The following SGMS1 variants were observed in gnomAD, a reference collection of about 807,000 sequenced individuals.
SGMS1 encodes the protein phosphatidylcholine:ceramide cholinephosphotransferase 1.
In SGMS1, 13 loss-of-function variants were observed where a neutral mutation model predicts 46.2. That is an observed-to-expected ratio of 0.28 (90% CI 0.18 to 0.45). The LOEUF (loss-of-function observed/expected upper bound fraction) is 0.45. SGMS1 is among the 20% of genes least tolerant of loss of function. The probability of loss-of-function intolerance (pLI) is 1.00; values close to 1 mark genes in which losing one functional copy is unlikely to be tolerated. For missense variants in SGMS1, 324 were observed against 519.9 expected, an observed-to-expected ratio of 0.62 and a Z score of 3.66; for synonymous variants, 203 against 187.8, an observed-to-expected ratio of 1.08 and a Z score of -0.66.
At chr10:50,376,702 G>A (rs1034840927) in intron 6 of SGMS1, among the ~76,000 whole-genome samples, 2 of 152,034 alleles carry the variant, frequency 1.3e-5, no homozygotes, top group Admixed American at 6.6e-5. Context: ...TTGGCCTTGC[G>A]ATAGTTTGCT....
intron 6 of SGMS1, among the ~76,000 whole-genome samples, chr10:50,408,890 A>G (rs1237359052): frequency 2.0e-5 from 3 of 152,048 alleles, no homozygotes; most frequent in Non-Finnish European, 4.4e-5. Flanking sequence ...AAAACAAAAC[A>G]AAAAAAGATT....
At chr10:50,331,567 T>G (rs1427554608) in intron 7 of SGMS1, among the ~76,000 whole-genome samples, 2 of 152,226 alleles carry the variant, frequency 1.3e-5, no homozygotes, top group Non-Finnish European at 2.9e-5. Context: ...ATTTGCTTAT[T>G]ACCACCTCGT....
intron 6 of SGMS1, among the ~76,000 whole-genome samples, chr10:50,406,417 T>C (rs967179164): frequency 2.6e-5 from 4 of 152,204 alleles, no homozygotes; most frequent in East Asian, 1.9e-4. Flanking sequence ...CCTGGGACCA[T>C]GAAGGATGGA....
chr10:50,577,436 T>C lies in SGMS1; in HGVS notation c.-589+12717A>G, dbSNP rs140262708. Reference sequence around the variant, plus strand: ...TATAGAGAAAGGCAGGAGTAGCTAATTAAACAACAACAACAACAAAAGGTC... The same window carrying C: ...TATAGAGAAAGGCAGGAGTAGCTAACTAAACAACAACAACAACAAAAGGTC... On this transcript the variant is annotated intron_variant, in intron 2 of 10. Coordinates refer to ENST00000361781, the MANE Select transcript of SGMS1 (RefSeq NM_147156.4). 1.3e-4 allele frequency among the ~76,000 whole-genome samples: 20 copies of C among 152,250 alleles called. No homozygotes were observed. The East Asian group carries it at 3.7e-3, about 28-fold the overall frequency.
intron 5 of SGMS1, among the ~76,000 whole-genome samples, chr10:50,459,725 T>G (rs1837241075): frequency 6.6e-6 from 1 of 152,152 alleles, no homozygotes; most frequent in African/African-American, 2.4e-5. Flanking sequence ...TTTTTAAAAC[T>G]CTGCTTCAAA....
intron 2 of SGMS1, among the ~76,000 whole-genome samples, chr10:50,528,053 G>A (rs1837920336): frequency 1.3e-5 from 2 of 152,104 alleles, no homozygotes. Flanking sequence ...TAAATAAATT[G>A]TTGCTGCTAT....
chr10:50,355,447 G>C (rs895971532), intron 6 of SGMS1, among the ~76,000 whole-genome samples: 1 of 152,170 alleles, frequency 6.6e-6, no homozygotes, highest in African/African-American at 2.4e-5. Flanking sequence ...ACTGGTTTTC[G>C]TGTTTTTGGT....
intron 2 of SGMS1, among the ~76,000 whole-genome samples, chr10:50,543,072 T>G (rs1838070104): frequency 6.6e-6 from 1 of 152,052 alleles, no homozygotes; most frequent in African/African-American, 2.4e-5. Flanking sequence ...ATCCAGACAG[T>G]ACAGGGAAAT....
rs527872887 is a variant in SGMS1 at position 50,573,353 on chromosome 10, T to C, written c.-589+16800A>G. ...CCTACCAAAAAACTGTTAGAATAAA[T>C]GAATTCAATACAAAAACAATGAGTT... On this transcript the variant is annotated intron_variant, in intron 2 of 10. Transcript: ENST00000361781. 5.9e-5 allele frequency among the ~76,000 whole-genome samples: 9 copies of C among 152,244 alleles called. No individual in the cohort carries two copies. The East Asian group carries it at 1.7e-3, about 29-fold the overall frequency.
intron 6 of SGMS1, among the ~76,000 whole-genome samples, chr10:50,406,637 T>G (rs944185337): frequency 6.6e-6 from 1 of 152,190 alleles, no homozygotes; most frequent in African/African-American, 2.4e-5. Context: ...GCTATTTCTA[T>G]AGAGTTCTGT....
rs531322648 is a variant in SGMS1, at chr10:50,371,078, T to C, written c.-231-26733A>G. Among the ~76,000 whole-genome samples, 3 of 152,242 alleles carry C rather than the reference T, an allele frequency of 2.0e-5. No individual in the cohort carries two copies. The South Asian group carries it at 6.2e-4, about 32-fold the overall frequency. On this transcript the variant is annotated intron_variant, in intron 6 of 10. Transcript: ENST00000361781. ...GTAAGGTACATAATTATATATGCTA[T>C]GCTTTTATACGGATGGCAGTGCAGT...
At chr10:50,483,689 C>T (rs1351532874) in intron 3 of SGMS1, among the ~76,000 whole-genome samples, 1 of 152,164 alleles carries the variant, frequency 6.6e-6, no homozygotes, top group Non-Finnish European at 1.5e-5. Context: ...TCATAACAAA[C>T]AGTCTCTCAG....
chr10:50,525,400 C>A lies in SGMS1; in HGVS notation c.-588-5479G>T, dbSNP rs1837892363. On this transcript the variant is annotated intron_variant, in intron 2 of 10. Transcript: ENST00000361781. Reference sequence around the variant, plus strand: ...GATGATGTGCTCCTTCCAAATGCCACCCAGACAGCCTCATGAAGAGCAAGG... The same window carrying A: ...GATGATGTGCTCCTTCCAAATGCCAACCAGACAGCCTCATGAAGAGCAAGG... Among the ~76,000 whole-genome samples the A allele has an allele frequency of 2.6e-5, 4 of 152,126 alleles. No homozygotes were observed. The South Asian group carries it at 8.3e-4, about 32-fold the overall frequency.
At chr10:50,520,207 T>C (rs1264430322) in intron 2 of SGMS1, among the ~76,000 whole-genome samples, 1 of 152,032 alleles carries the variant, frequency 6.6e-6, no homozygotes, top group African/African-American at 2.4e-5. Flanking sequence ...CTGGGCAATA[T>C]AGCAAGACCT....
At chr10:50,433,227 T>A (rs1343890368) in intron 6 of SGMS1, among the ~76,000 whole-genome samples, 1 of 152,214 alleles carries the variant, frequency 6.6e-6, no homozygotes, top group Non-Finnish European at 1.5e-5. Flanking sequence ...ATTCTTCAAA[T>A]ACTTATGCTC....
At chr10:50,359,866 C>T (rs1257906451) in intron 6 of SGMS1, among the ~76,000 whole-genome samples, 1 of 152,052 alleles carries the variant, frequency 6.6e-6, no homozygotes, top group Admixed American at 6.6e-5. Context: ...TTTGTAAACA[C>T]ATATTACAAA....
chr10:50,412,996 T>G (rs549633920), intron 6 of SGMS1, among the ~76,000 whole-genome samples: 2 of 152,350 alleles, frequency 1.3e-5, no homozygotes, highest in East Asian at 3.9e-4. Flanking sequence ...CTTTTATTTT[T>G]AATATTTTAA....
At chr10:50,419,639 A>G (rs1849228260) in intron 6 of SGMS1, among the ~76,000 whole-genome samples, 1 of 152,314 alleles carries the variant, frequency 6.6e-6, no homozygotes, top group South Asian at 2.1e-4. Flanking sequence ...AAGAAACTTT[A>G]TTTGGGAATT....
At chr10:50,486,211 A>AAAACCCTAGAAGAAGGC in intron 3 of SGMS1, among the ~76,000 whole-genome samples, 1 of 152,366 alleles carries the variant, frequency 6.6e-6, no homozygotes, top group South Asian at 2.1e-4. Context: ...CAAAACTATA[A>AAAACCCTAGAAGAAGGC]AAACCCTAGA....
Sources: gnomAD v4.1 joint callset for allele counts (sites outside exome capture counted in the v4.1 genomes callset) on GRCh38, gnomAD v4.1.1 for gene constraint, MANE v1.5 for transcripts, NCBI Gene and HGNC (gene_info 2026-07-23, HGNC 2026-07-21) for gene names.